Variants in VPS13D observed in about 807,000 individuals in gnomAD.
VPS13D encodes the protein vacuolar protein sorting 13 homolog D.
VPS13D carries 187 observed loss-of-function variants against 461.9 expected under a neutral mutation model. The ratio of observed to expected loss-of-function variants is 0.40; its 90% CI spans 0.36 to 0.46. VPS13D has a LOEUF of 0.46. Among genes scored for constraint, VPS13D ranks in the 20% least tolerant of loss-of-function variants. VPS13D has a pLI of 0.60. For synonymous variants in VPS13D, 1,951 were observed against 1,986.3 expected (o/e 0.98, Z 0.47); for missense variants, 4,711 against 5,364.9 (o/e 0.88, Z 3.81).
intron 54 of VPS13D, 89 bp from the exon 55 acceptor site, chr1:12,373,661 G>T: frequency 1.3e-6 from 1 of 762,780 alleles, no homozygotes. Flanking sequence ...TTGGGCATTT[G>T]CTTATTAATA....
chr1:12,246,034 A>G (rs898590757), intron 5 of VPS13D, among the ~76,000 whole-genome samples: 9 of 152,262 alleles, frequency 5.9e-5, no homozygotes, highest in African/African-American at 1.7e-4. Flanking sequence ...TTTACTCTGT[A>G]ACTACTGACA....
intron 40 of VPS13D, among the ~76,000 whole-genome samples, chr1:12,339,215 G>A (rs1390756982): frequency 6.6e-6 from 1 of 152,070 alleles, no homozygotes; most frequent in African/African-American, 2.4e-5. Flanking sequence ...CTTTCTATAT[G>A]TTACTTAATC....
At chr1:12,361,404 T>TTTTATTTTA (rs1553183527) in intron 50 of VPS13D, among the ~76,000 whole-genome samples, 1 of 127,414 alleles carries the variant, frequency 7.8e-6, no homozygotes, top group African/African-American at 3.4e-5. Context: ...TATTTATTTA[T>TTTTATTTTA]TTTTTTTTTG....
At position 12,481,386 on chromosome 1, in the gene VPS13D, C is replaced by G. The variant is rs1168307886; in HGVS notation, c.12663-16114C>G. 5.3e-5 allele frequency among the ~76,000 whole-genome samples: 8 copies of G among 152,288 alleles called. No homozygotes were observed. In the East Asian group the frequency reaches 5.8e-4, roughly 11 times the overall value. On this transcript the variant is annotated intron_variant, in intron 67 of 69. Transcript: ENST00000620676. ...ACCTGAAAGGGCCTAGCCTCTTTCC[C>G]CACTGGCTTCCACCAAGTTCTAACA...
Position 12,434,353 on chromosome 1 carries a change from G to C in VPS13D, c.12333+17526G>C, listed in dbSNP as rs531085201. Among the ~76,000 whole-genome samples, 5 of 152,152 alleles carry C rather than the reference G, an allele frequency of 3.3e-5. No homozygotes were observed. The East Asian group carries it at 9.7e-4, about 29-fold the overall frequency. Reference sequence around the variant, plus strand: ...GAAAATCCACTTGCCAGCTGTGAAGGGTGCTGCTGGGAGGATGAAATGAGT... The same window carrying C: ...GAAAATCCACTTGCCAGCTGTGAAGCGTGCTGCTGGGAGGATGAAATGAGT... On this transcript the variant is annotated intron_variant, in intron 65 of 69. Transcript: ENST00000620676.
intron 65 of VPS13D, among the ~76,000 whole-genome samples, chr1:12,433,969 T>TGGA (rs145294229): frequency 6.1e-5 from 9 of 146,616 alleles, no homozygotes; most frequent in South Asian, 2.2e-4. Flanking sequence ...TGTGTGTGTG[T>TGGA]GGAGGAGGAG....
At chr1:12,349,477 CTTTA>C (rs1643749844) in intron 46 of VPS13D, 103 bp downstream of exon 46, 1 of 1,126,076 alleles carries the variant, frequency 8.9e-7, no homozygotes, top group African/African-American at 1.6e-5. Context: ...ATTCAGTTAT[CTTTA>C]TTTAAACTCT....
chr1:12,456,101 T>C lies in VPS13D; in HGVS notation c.12437T>C (p.Leu4146Pro). ...RYHAATSGEH[L>P]VAGIHGLAHG... ...CATGCAGCCACAAGTGGTGAACACC[T>C]TGTAGCCGGCATCCATGGCCTGGCT... The change falls in exon 66 of 70, where the codon CTT (leucine) becomes CCT (proline). Residue 4146 changes from leucine to proline, a missense_variant. This residue lies in a region of VPS13D where 106 missense variants were observed against 206.2 expected (regional missense o/e 0.51). Transcript: ENST00000620676. The C allele has an allele frequency of 1.2e-6, 2 of 1,613,554 alleles. No homozygotes were observed. The highest frequency in any genetic ancestry group is 1.7e-6 in the Non-Finnish European group (2 of 1,179,746).
chr1:12,401,218 T>C (rs1644575639), intron 61 of VPS13D, among the ~76,000 whole-genome samples: 1 of 152,172 alleles, frequency 6.6e-6, no homozygotes, highest in Non-Finnish European at 1.5e-5. Context: ...TTTCTGGTCC[T>C]TTATCACCAG....
intron 67 of VPS13D, among the ~76,000 whole-genome samples, chr1:12,474,260 T>C (rs970109604): frequency 2.0e-5 from 3 of 152,196 alleles, no homozygotes; most frequent in Admixed American, 6.5e-5. Context: ...CCAGCTCTTT[T>C]GATAAACAGC....
rs1484115665 is a variant in VPS13D, at chr1:12,473,724, T to G, written c.12662+13328T>G. 6.6e-6 allele frequency among the ~76,000 whole-genome samples: 1 copy of G among 152,210 alleles called. No individual in the cohort carries two copies. The highest frequency in any genetic ancestry group is 2.4e-5 in the African/African-American group (1 of 41,456). On this transcript the variant is annotated intron_variant, in intron 67 of 69. Coordinates refer to ENST00000620676, the MANE Select transcript of VPS13D (RefSeq NM_015378.4). The surrounding 1 kb of genome is among the most constrained non-coding windows in gnomAD (Gnocchi z 4.2). ...CAGGGATTGTGTCCCTAGCTCTTAC[T>G]TAAATTCAACCCTGTCCCCGAATTC...
In VPS13D at chr1:12,416,724, T is replaced by G; in HGVS notation, c.12230T>G (p.Leu4077Arg). Residue 4077 changes from leucine (L) to arginine (R), a missense_variant, in exon 65 of 70, where the codon CTT (leucine) becomes CGT (arginine). Physicochemically the swap from Leu to Arg is moderately radical, Grantham distance 102. This residue lies in a region of VPS13D where 106 missense variants were observed against 206.2 expected (regional missense o/e 0.51). Coordinates refer to ENST00000620676, the MANE Select transcript of VPS13D (RefSeq NM_015378.4). Reference sequence around the variant, plus strand: ...GATTTTCTTGGCAATCCTATGGGGCTTTTGAATGATGTTTCTGAAGGGGTT... The same window carrying G: ...GATTTTCTTGGCAATCCTATGGGGCGTTTGAATGATGTTTCTGAAGGGGTT... ...SVDFLGNPMG[L>R]LNDVSEGVTG... 6.2e-7 allele frequency: 1 copy of G among 1,614,140 alleles called. No individual in the cohort carries two copies. The highest frequency in any genetic ancestry group is 8.5e-7 in the Non-Finnish European group (1 of 1,180,018).
Position 12,362,859 on chromosome 1 carries a change from T to A in VPS13D, c.10272+9T>A. The stretch of plus-strand genomic sequence containing the variant: ...AATTTGCCAGGGGACAGGTGAGCAG[T>A]TTGCTTTTGAAGGATGAGAGTGCCT... On this transcript the variant is annotated intron_variant, in intron 51 of 69. Transcript: ENST00000620676. 1 of 1,613,840 alleles carries A rather than the reference T, an allele frequency of 6.2e-7. No homozygotes were observed. Among genetic ancestry groups the A allele is most frequent in the Non-Finnish European group, 8.5e-7 (1 of 1,179,934 alleles).
At chr1:12,285,371 A>T (rs1418042645) in intron 21 of VPS13D, among the ~76,000 whole-genome samples, 1 of 150,100 alleles carries the variant, frequency 6.7e-6, no homozygotes, top group Admixed American at 6.7e-5. Context: ...GCTCACTGCA[A>T]CCTCTGCCTC....
rs901712062 is a variant in VPS13D, at chr1:12,397,122, T to C, written c.11635-3059T>C. Reference sequence around the variant, plus strand: ...CAATTTTCGTAGTTTTTAGTAGAGATGGGGTTTCGCCATGTTGGCCAGGCT... The same window carrying C: ...CAATTTTCGTAGTTTTTAGTAGAGACGGGGTTTCGCCATGTTGGCCAGGCT... On this transcript the variant is annotated intron_variant, in intron 60 of 69. Coordinates refer to ENST00000620676, the MANE Select transcript of VPS13D (RefSeq NM_015378.4). 3.3e-5 allele frequency among the ~76,000 whole-genome samples: 5 copies of C among 152,014 alleles called. No individual in the cohort carries two copies. In the East Asian group the frequency reaches 9.6e-4, roughly 29 times the overall value.
At chr1:12,410,013 T>C (rs1410503466) in intron 63 of VPS13D, 1 of 427,950 alleles carries the variant, frequency 2.3e-6, no homozygotes, top group Non-Finnish European at 4.7e-6. Context: ...AGAATGCAAG[T>C]AAAGCTTTTG....
chr1:12,380,239 A>G (rs1162869995), intron 57 of VPS13D, among the ~76,000 whole-genome samples: 1 of 152,228 alleles, frequency 6.6e-6, no homozygotes, highest in East Asian at 1.9e-4. Flanking sequence ...TTACCTATGT[A>G]ATTTTAAAAA....
intron 26 of VPS13D, among the ~76,000 whole-genome samples, chr1:12,307,877 T>C (rs1399049563): frequency 2.0e-5 from 3 of 152,136 alleles, no homozygotes; most frequent in Non-Finnish European, 2.9e-5. Flanking sequence ...TAAGGATTAC[T>C]CAGGTATTTG....
Position 12,327,792 on chromosome 1 carries a change from G to C in VPS13D, c.8135G>C (p.Cys2712Ser). Reference protein sequence around the residue: ...SGVEIKAESVCICFIDDCMDC... With the variant: ...SGVEIKAESVSICFIDDCMDC... ...GTGGAGATCAAAGCTGAGAGTGTGT[G>C]CATCTGTTTCATCGATGACTGCATG... The change falls in exon 36 of 70, where the codon TGC becomes TCC. Residue 2712 changes from cysteine to serine, a missense_variant. Cys to Ser is a moderately radical substitution (Grantham distance 112). Transcript: ENST00000620676. 1.9e-6 allele frequency: 3 copies of C among 1,614,108 alleles called. No homozygotes were observed. The highest frequency in any genetic ancestry group is 2.5e-6 in the Non-Finnish European group (3 of 1,180,016).
Sources: gnomAD v4.1 joint callset for allele counts (sites outside exome capture counted in the v4.1 genomes callset) on GRCh38, gnomAD v4.1.1 for gene constraint, gnomAD v4.1.1 regional missense constraint, Gnocchi (gnomAD v3.1) non-coding constraint, MANE v1.5 for transcripts, NCBI Gene and HGNC (gene_info 2026-07-23, HGNC 2026-07-21) for gene names.